Variants in PDZD2 observed in about 807,000 individuals in gnomAD.
PDZD2 encodes the protein PDZ domain-containing protein 2.
A neutral mutation model predicts 220.7 loss-of-function variants in PDZD2; 90 were observed. The observed-to-expected ratio is 0.41, with a 90% CI of 0.34 to 0.49. The LOEUF (loss-of-function observed/expected upper bound fraction) is 0.49. PDZD2 is among the 20% of genes least tolerant of loss of function. PDZD2 has a pLI of 0.28. For missense variants in PDZD2, 3,174 were observed against 3,608.5 expected, an observed-to-expected ratio of 0.88 and a Z score of 3.08; for synonymous variants, 1,375 against 1,450.5, an observed-to-expected ratio of 0.95 and a Z score of 1.18.
Position 32,092,976 on chromosome 5 carries a change from G to A in PDZD2, c.7797G>A (p.Ser2599=), listed in dbSNP as rs149447762. The A allele has an allele frequency of 1.0e-5, 16 of 1,605,402 alleles. No homozygotes were observed. The highest frequency in any genetic ancestry group is 1.7e-4 in the Middle Eastern group (1 of 6,060). Reference sequence around the variant, plus strand: ...AGTCTGTTTTATCGTCAGTGGGATCGAAATCTACCATCCTAACTCTCATTC... The same window carrying A: ...AGTCTGTTTTATCGTCAGTGGGATCAAAATCTACCATCCTAACTCTCATTC... ...RLQSVLSSVG[S]KSTILTLIQE... is the part of the protein sequence containing the mutation. Residue 2599 remains serine, a synonymous_variant, in exon 21 of 25, where the codon TCG becomes TCA. Coordinates refer to ENST00000438447, the MANE Select transcript of PDZD2 (RefSeq NM_178140.4).
chr5:32,031,350 CTTT>C (rs1308032976), intron 6 of PDZD2, among the ~76,000 whole-genome samples: 1 of 152,156 alleles, frequency 6.6e-6, no homozygotes, highest in African/African-American at 2.4e-5. Flanking sequence ...TCATGTATTT[CTTT>C]ATTTTCTCTT....
chr5:31,779,046 A>ATC (rs1027081519), intron 1 of PDZD2, among the ~76,000 whole-genome samples: 3 of 152,160 alleles, frequency 2.0e-5, no homozygotes, highest in African/African-American at 7.2e-5. Flanking sequence ...ATCTGGTTAT[A>ATC]TCTCTCTCTT....
intron 4 of PDZD2, among the ~76,000 whole-genome samples, chr5:31,995,973 C>T (rs1199370428): frequency 6.6e-6 from 1 of 152,140 alleles, no homozygotes; most frequent in East Asian, 1.9e-4. Context: ...CTTTATAGTG[C>T]AGCTTTAGTT....
rs753120216 is a variant in PDZD2 at position 32,071,427 on chromosome 5, AG to A, written c.2568+11del. 5 of 1,604,432 alleles carry A rather than the reference AG, an allele frequency of 3.1e-6. No individual in the cohort carries two copies. Among genetic ancestry groups the A allele is most frequent in the Non-Finnish European group, 4.3e-6 (5 of 1,171,102 alleles). On this transcript the variant is annotated intron_variant, in intron 16 of 24. Transcript: ENST00000438447. ...CCTCTCTTGCAAAAAAGGTGAGTCA[AG>A]GTGAACTGCTACCTGCCTCCCTCAG...
intron 2 of PDZD2, among the ~76,000 whole-genome samples, chr5:31,956,758 CAAAAAAAAAAAAAAA>C (rs70957986): frequency 2.7e-5 from 2 of 73,704 alleles, no homozygotes; most frequent in African/African-American, 5.7e-5. Flanking sequence ...GACTCCATCT[CAAAAAAAAAAAAAAA>C]AAAAAAAAAA....
intron 2 of PDZD2, among the ~76,000 whole-genome samples, chr5:31,880,125 T>G (rs1342962846): frequency 6.6e-6 from 1 of 152,078 alleles, no homozygotes; most frequent in African/African-American, 2.4e-5. Flanking sequence ...GGTTTCACCA[T>G]GTTGGCCAAG....
intron 1 of PDZD2, among the ~76,000 whole-genome samples, chr5:31,783,386 C>T (rs1753172093): frequency 6.6e-6 from 1 of 152,116 alleles, no homozygotes; most frequent in African/African-American, 2.4e-5. Context: ...CCTGAGCTTG[C>T]CAGGCAGGGG....
intron 2 of PDZD2, among the ~76,000 whole-genome samples, chr5:31,893,408 A>G (rs1741241745): frequency 6.6e-6 from 1 of 152,118 alleles, no homozygotes; most frequent in Non-Finnish European, 1.5e-5. Flanking sequence ...CCGTCTCTAC[A>G]AAAAACAAAA....
intron 1 of PDZD2, among the ~76,000 whole-genome samples, chr5:31,657,679 A>T (rs986711256): frequency 5.3e-5 from 8 of 152,286 alleles, no homozygotes; most frequent in Middle Eastern, 6.8e-3. Context: ...TTTGTGTAAA[A>T]CATGGAGGCA....
intron 1 of PDZD2, among the ~76,000 whole-genome samples, chr5:31,656,973 AG>A (rs1745574101): frequency 6.6e-6 from 1 of 152,162 alleles, no homozygotes; most frequent in African/African-American, 2.4e-5. Flanking sequence ...GAGAAGGAGG[AG>A]GGTTTAGAAA....
chr5:31,840,638 C>A, intron 2 of PDZD2: 2 of 722,330 alleles, frequency 2.8e-6, no homozygotes, highest in South Asian at 2.9e-5. Context: ...TTTTTCTGAT[C>A]ATTTTCCTCA....
At chr5:31,989,424 T>TTTTTTTTTTTTTTTTTTTTTATTTA (rs1429240437) in intron 3 of PDZD2, among the ~76,000 whole-genome samples, 3 of 136,686 alleles carry the variant, frequency 2.2e-5, no homozygotes, top group South Asian at 2.6e-4. Flanking sequence ...TTCTTTTCTT[T>TTTTTTTTTTTTTTTTTTTTTATTTA]TTTTTTTTTT....
At position 31,849,048 on chromosome 5, in the gene PDZD2, CA is replaced by C. The variant is rs1211567424; in HGVS notation, c.476+49325del. 3.3e-5 allele frequency among the ~76,000 whole-genome samples: 5 copies of C among 152,284 alleles called. No individual in the cohort carries two copies. In the South Asian group the frequency reaches 1.0e-3, roughly 32 times the overall value. ...TGGGCGACAGAGCGAGACTCCATCT[CA>C]GAAAATGAACTTGGTCCTTCCTTTC... On this transcript the variant is annotated intron_variant, in intron 2 of 24. Coordinates refer to ENST00000438447, the MANE Select transcript of PDZD2 (RefSeq NM_178140.4).
At chr5:31,703,937 C>CTCTCTCTCTT (rs869081375) in intron 1 of PDZD2, among the ~76,000 whole-genome samples, 6 of 141,946 alleles carry the variant, frequency 4.2e-5, no homozygotes, top group African/African-American at 5.0e-5. Flanking sequence ...TCTCTCCTCT[C>CTCTCTCTCTT]TCTCTCTCTT....
At chr5:31,803,261 C>CTTTTTTTTTT (rs759569783) in intron 2 of PDZD2, among the ~76,000 whole-genome samples, 7 of 92,246 alleles carry the variant, frequency 7.6e-5, no homozygotes, top group East Asian at 4.2e-4. Context: ...CTGCATCTGG[C>CTTTTTTTTTT]TTTTTTTTTT....
At chr5:31,698,042 A>T (rs1199232986) in intron 1 of PDZD2, among the ~76,000 whole-genome samples, 8 of 150,922 alleles carry the variant, frequency 5.3e-5, no homozygotes, top group Non-Finnish European at 1.2e-4. Context: ...AGCTGGGACT[A>T]CAGTTGCGTG....
intron 2 of PDZD2, among the ~76,000 whole-genome samples, chr5:31,840,273 A>G (rs77245822): frequency 0.083 from 12,544 of 150,322 alleles, 671 homozygotes; most frequent in East Asian, 0.26. Context: ...AAACCACCTC[A>G]TTTTATTCTG....
intron 2 of PDZD2, among the ~76,000 whole-genome samples, chr5:31,859,313 C>T (rs916878803): frequency 6.6e-6 from 1 of 152,148 alleles, no homozygotes; most frequent in African/African-American, 2.4e-5. Flanking sequence ...TAAATTGGCT[C>T]TATCTGGGCA....
At chr5:31,858,151 C>T (rs568013908) in intron 2 of PDZD2, among the ~76,000 whole-genome samples, 7 of 151,858 alleles carry the variant, frequency 4.6e-5, no homozygotes, top group African/African-American at 1.7e-4. Flanking sequence ...TTAGTAGAGG[C>T]GGGGTTTCAC....
Sources: allele counts gnomAD v4.1 joint callset (sites outside exome capture counted in the v4.1 genomes callset), GRCh38; gene constraint gnomAD v4.1.1; transcripts MANE v1.5; gene names NCBI Gene and HGNC (gene_info 2026-07-23, HGNC 2026-07-21).